Variants in LRRC49 observed in about 807,000 individuals in gnomAD.
LRRC49 encodes leucine rich repeat containing 49, also known as leucine-rich repeat-containing protein 49.
A neutral mutation model predicts 83.3 loss-of-function variants in LRRC49; 50 were observed. The observed-to-expected ratio is 0.60, with a 90% CI of 0.48 to 0.76. LRRC49 has a LOEUF of 0.76. Ranked by LOEUF, LRRC49 falls within the 30% of genes least tolerant of loss-of-function variation. LRRC49 has a pLI of 0.00. For synonymous variants in LRRC49, 286 were observed against 283.3 expected (o/e 1.01, Z -0.10); for missense variants, 704 against 809.1 (o/e 0.87, Z 1.58).
intron 3 of LRRC49, chr15:70,898,261 G>C: frequency 1.7e-6 from 1 of 604,368 alleles, no homozygotes; most frequent in Non-Finnish European, 2.9e-6. Flanking sequence ...GATGCTATTT[G>C]TATTGAGATT....
intron 14 of LRRC49, among the ~76,000 whole-genome samples, chr15:71,022,098 C>A (rs530580219): frequency 3.9e-5 from 6 of 152,120 alleles, no homozygotes; most frequent in Admixed American, 1.3e-4. Context: ...ATTAGCCAGG[C>A]CTGGTGGCTC....
Position 71,024,660 on chromosome 15 carries a change from GA to G in LRRC49, c.1703+11758del, listed in dbSNP as rs546214268. 1.4e-3 allele frequency among the ~76,000 whole-genome samples: 203 copies of G among 144,516 alleles called. 1 individual carries two copies. Among genetic ancestry groups the G allele is most frequent in the African/African-American group, 4.2e-3 (164 of 39,498 alleles). The allele number at this position is 144,516 out of a possible 152,430, so 94.8% of individuals were successfully genotyped here. A position where few individuals can be genotyped will look rare whatever the true frequency, so the allele number is the denominator to read the frequency against. On this transcript the variant is annotated intron_variant, in intron 14 of 15. Coordinates refer to ENST00000260382, the MANE Select transcript of LRRC49 (RefSeq NM_017691.5). Reference sequence around the variant, plus strand: ...CTCACGAAGATGAGAAAGAATCAATGAAAAAAAAAAACATTGAAAACTCAAA... The same window carrying G: ...CTCACGAAGATGAGAAAGAATCAATGAAAAAAAAAACATTGAAAACTCAAA...
chr15:71,024,548 A>G (rs943915221), intron 14 of LRRC49, among the ~76,000 whole-genome samples: 4 of 152,096 alleles, frequency 2.6e-5, no homozygotes, highest in Non-Finnish European at 5.9e-5. Flanking sequence ...GAAGGAAAGC[A>G]ACAACAACAA....
At chr15:70,899,695 T>C (rs2033988903) in intron 3 of LRRC49, among the ~76,000 whole-genome samples, 1 of 152,184 alleles carries the variant, frequency 6.6e-6, no homozygotes, top group South Asian at 2.1e-4. Context: ...TAATATGATT[T>C]ATATAGAACT....
intron 2 of LRRC49, among the ~76,000 whole-genome samples, chr15:70,880,446 G>T (rs991197058): frequency 3.3e-5 from 5 of 152,082 alleles, no homozygotes; most frequent in Non-Finnish European, 7.4e-5. Context: ...AAATACTTAT[G>T]AATAAATAAA....
intron 7 of LRRC49, among the ~76,000 whole-genome samples, chr15:70,926,661 C>T (rs1320266155): frequency 1.3e-5 from 2 of 152,072 alleles, no homozygotes; most frequent in East Asian, 1.9e-4. Context: ...AATGATATCC[C>T]TACCCCTTCC....
chr15:70,986,399 G>A (rs2141230932), intron 11 of LRRC49, among the ~76,000 whole-genome samples: 1 of 150,436 alleles, frequency 6.6e-6, no homozygotes, highest in Admixed American at 6.6e-5. Flanking sequence ...TGAAGCAATT[G>A]TGAATGGGAG....
In LRRC49 at chr15:71,037,324, A is replaced by T; in HGVS notation, c.1849A>T (p.Lys617Ter). ...NYTTRDFYNE[K>*]LEEIKEKKKF... ...TACTACAAGAGACTTTTATAATGAA[A>T]AGCTAGAGGTAAAACTACTGTTAAT... The change falls in exon 15 of 16, where the codon AAG becomes TAG. Residue 617 changes from lysine to a stop codon, truncating the protein, a stop_gained. Coordinates refer to ENST00000260382, the MANE Select transcript of LRRC49 (RefSeq NM_017691.5). LOFTEE classifies it high-confidence loss of function. The T allele has an allele frequency of 6.3e-7, 1 of 1,595,704 alleles. No homozygotes were observed. Among genetic ancestry groups the T allele is most frequent in the Non-Finnish European group, 8.5e-7 (1 of 1,172,742 alleles).
At chr15:70,885,927 A>C (rs1403793937) in intron 2 of LRRC49, among the ~76,000 whole-genome samples, 1 of 152,182 alleles carries the variant, frequency 6.6e-6, no homozygotes, top group Non-Finnish European at 1.5e-5. Context: ...AACTATTTTG[A>C]GCATGTTACA....
intron 14 of LRRC49, among the ~76,000 whole-genome samples, chr15:71,032,108 C>G (rs1362799032): frequency 6.6e-6 from 1 of 152,200 alleles, no homozygotes; most frequent in Non-Finnish European, 1.5e-5. Flanking sequence ...GCTTGAAACT[C>G]AGGACCCTGG....
intron 4 of LRRC49, among the ~76,000 whole-genome samples, chr15:70,902,087 A>T (rs1480470551): frequency 6.6e-6 from 1 of 152,236 alleles, no homozygotes; most frequent in South Asian, 2.1e-4. Flanking sequence ...GAAGGGCAGT[A>T]TCTCTCATGA....
intron 2 of LRRC49, among the ~76,000 whole-genome samples, chr15:70,895,288 T>C (rs905862487): frequency 2.0e-5 from 3 of 152,168 alleles, no homozygotes; most frequent in African/African-American, 7.2e-5. Context: ...AAACCTTTCT[T>C]AGAAGGCTTA....
rs2034854938 is a variant in LRRC49, at chr15:70,918,044, A to G, written c.568-1006A>G. Reference sequence around the variant, plus strand: ...TCGCATATCCAAGCTTCCGAGTGCCACTGTGTTCTCAGTGCCAGCTGTGGA... The same window carrying G: ...TCGCATATCCAAGCTTCCGAGTGCCGCTGTGTTCTCAGTGCCAGCTGTGGA... On this transcript the variant is annotated intron_variant, in intron 6 of 15. Coordinates refer to ENST00000260382, the MANE Select transcript of LRRC49 (RefSeq NM_017691.5). 2.6e-5 allele frequency among the ~76,000 whole-genome samples: 4 copies of G among 152,152 alleles called. No homozygotes were observed. The South Asian group carries it at 8.3e-4, about 32-fold the overall frequency.
Position 70,963,808 on chromosome 15 carries a change from C to G in LRRC49, c.797C>G (p.Ala266Gly). 6.2e-7 allele frequency: 1 copy of G among 1,613,480 alleles called. No individual in the cohort carries two copies. The highest frequency in any genetic ancestry group is 8.5e-7 in the Non-Finnish European group (1 of 1,179,560). The change falls in exon 9 of 16, where the codon GCT (alanine) becomes GGT (glycine). Residue 266 changes from alanine to glycine, a missense_variant. Ala to Gly is a moderately conservative substitution (Grantham distance 60). Around this residue, in one of 3 missense-constraint regions of LRRC49, gnomAD observed 261 missense variants for 330.5 expected, o/e 0.79. Coordinates refer to ENST00000260382, the MANE Select transcript of LRRC49 (RefSeq NM_017691.5). ...ISSFDSVSCL[A>G]DSSSLSDITF... Reference sequence around the variant, plus strand: ...AGTTTTGACAGTGTTTCCTGCCTTGCTGACTCTTCTTCCCTCTCGGACATC... The same window carrying G: ...AGTTTTGACAGTGTTTCCTGCCTTGGTGACTCTTCTTCCCTCTCGGACATC...
At chr15:70,941,761 T>C (rs567941687) in intron 8 of LRRC49, among the ~76,000 whole-genome samples, 2 of 152,076 alleles carry the variant, frequency 1.3e-5, no homozygotes, top group African/African-American at 4.8e-5. Flanking sequence ...TCTCATGGAT[T>C]TTATTTATAA....
chr15:71,027,979 A>T (rs1203802002), intron 14 of LRRC49, among the ~76,000 whole-genome samples: 1 of 152,194 alleles, frequency 6.6e-6, no homozygotes, highest in Admixed American at 6.5e-5. Flanking sequence ...TTCCAATACT[A>T]TGTTGAATAG....
intron 9 of LRRC49, among the ~76,000 whole-genome samples, chr15:70,965,188 G>A (rs1212496763): frequency 6.6e-6 from 1 of 152,122 alleles, no homozygotes; most frequent in Non-Finnish European, 1.5e-5. Context: ...TGAGATGAGT[G>A]GGATAAGATT....
At chr15:70,872,915 C>T in exon 2 of LRRC49, 3 of 193,536 alleles carry the variant, frequency 1.6e-5, no homozygotes, top group African/African-American at 2.5e-5. Context: ...TAGATGGAGT[C>T]TCACTCTGTC....
chr15:70,873,501 A>G (rs981618219), intron 2 of LRRC49, among the ~76,000 whole-genome samples: 1 of 152,166 alleles, frequency 6.6e-6, no homozygotes, highest in Non-Finnish European at 1.5e-5. Context: ...TTACAGTTGC[A>G]TGGGCTGACT....
Sources: gnomAD v4.1 joint callset for allele counts (sites outside exome capture counted in the v4.1 genomes callset) on GRCh38, gnomAD v4.1.1 for gene constraint, gnomAD v4.1.1 regional missense constraint, MANE v1.5 for transcripts, NCBI Gene and HGNC (gene_info 2026-07-23, HGNC 2026-07-21) for gene names.